Variants in SDK1 observed in about 807,000 individuals in gnomAD.
SDK1 encodes the protein protein sidekick-1.
In SDK1, 157 loss-of-function variants were observed where a neutral mutation model predicts 245.5. The observed-to-expected ratio is 0.64, with a 90% CI of 0.56 to 0.73. SDK1 has a LOEUF of 0.73. SDK1 is among the 30% of genes least tolerant of loss of function. SDK1 has a pLI of 0.00. For missense variants in SDK1, 3,583 were observed against 3,002.3 expected, an observed-to-expected ratio of 1.19 and a Z score of -4.52; for synonymous variants, 1,647 against 1,278.5, an observed-to-expected ratio of 1.29 and a Z score of -6.15.
At chr7:3,687,316 A>G (rs1457201166) in intron 4 of SDK1, among the ~76,000 whole-genome samples, 2 of 151,900 alleles carry the variant, frequency 1.3e-5, no homozygotes, top group African/African-American at 4.8e-5. Flanking sequence ...TTTAGGAGAG[A>G]TGGGGTTTCA....
rs575888756 is a variant in SDK1 at position 3,416,776 on chromosome 7, C to G, written c.298+114892C>G. 4.6e-5 allele frequency among the ~76,000 whole-genome samples: 7 copies of G among 152,250 alleles called. No homozygotes were observed. The South Asian group carries it at 1.5e-3, about 32-fold the overall frequency. ...CCTCTGGGGTTGTGTGTGACCATGC[C>G]TCGAATAAAGCCCATGTTCTGATCC... On this transcript the variant is annotated intron_variant, in intron 1 of 44. Coordinates refer to ENST00000404826, the MANE Select transcript of SDK1 (RefSeq NM_152744.4).
chr7:3,485,996 A>G (rs1011507727), intron 1 of SDK1, among the ~76,000 whole-genome samples: 8 of 151,930 alleles, frequency 5.3e-5, no homozygotes, highest in Non-Finnish European at 1.0e-4. Flanking sequence ...AGTTTATATA[A>G]TATTGGACAG....
chr7:3,342,917 A>G (rs949823973), intron 1 of SDK1, among the ~76,000 whole-genome samples: 7 of 152,142 alleles, frequency 4.6e-5, no homozygotes, highest in African/African-American at 1.4e-4. Flanking sequence ...GCAAATAATC[A>G]CAGAAAAAGA....
chr7:3,604,254 A>T (rs926793318), intron 1 of SDK1, among the ~76,000 whole-genome samples: 20 of 152,212 alleles, frequency 1.3e-4, no homozygotes, highest in African/African-American at 4.8e-4. Context: ...TTTCAGAAGG[A>T]TTGGTACCAG....
chr7:3,817,665 G>C (rs1398260800), intron 4 of SDK1, among the ~76,000 whole-genome samples: 1 of 152,190 alleles, frequency 6.6e-6, no homozygotes, highest in African/African-American at 2.4e-5. Context: ...GAGCTTCCCA[G>C]TCGATGCCTA....
intron 44 of SDK1, among the ~76,000 whole-genome samples, chr7:4,262,297 C>G (rs527804951): frequency 6.6e-6 from 1 of 151,870 alleles, no homozygotes; most frequent in African/African-American, 2.4e-5. Flanking sequence ...CTCAGGTGAT[C>G]CGCTCGCCTC....
chr7:3,850,773 C>G (rs1323244067), intron 5 of SDK1, among the ~76,000 whole-genome samples: 1 of 151,592 alleles, frequency 6.6e-6, no homozygotes, highest in African/African-American at 2.4e-5. Context: ...AAACCAAACA[C>G]CGCATGTTCT....
At chr7:4,023,455 A>G (rs1169709607) in intron 17 of SDK1, among the ~76,000 whole-genome samples, 2 of 152,068 alleles carry the variant, frequency 1.3e-5, no homozygotes, top group Non-Finnish European at 2.9e-5. Context: ...ACTCCAACAG[A>G]CTCAGTTCCG....
At chr7:3,757,987 T>G (rs1391736078) in intron 4 of SDK1, among the ~76,000 whole-genome samples, 5 of 152,158 alleles carry the variant, frequency 3.3e-5, no homozygotes, top group Non-Finnish European at 1.5e-5. Context: ...TCCATACGTT[T>G]TAGTAGCTCT....
intron 1 of SDK1, among the ~76,000 whole-genome samples, chr7:3,583,659 G>A (rs1780589020): frequency 2.0e-5 from 3 of 152,116 alleles, no homozygotes; most frequent in Admixed American, 2.0e-4. Flanking sequence ...CTACACTTTG[G>A]AGAGGGAAAT....
chr7:4,237,509 G>A (rs375076765), intron 41 of SDK1, 138 bp from the exon 42 acceptor site: 37 of 939,406 alleles, frequency 3.9e-5, no homozygotes, highest in Non-Finnish European at 5.5e-5. Context: ...CCACCCGCCC[G>A]GCTGGACATT....
intron 1 of SDK1, among the ~76,000 whole-genome samples, chr7:3,438,730 T>A (rs1216318510): frequency 2.0e-5 from 3 of 152,222 alleles, no homozygotes. Context: ...TTAATCTTTC[T>A]GTCCTTGGAA....
intron 1 of SDK1, among the ~76,000 whole-genome samples, chr7:3,593,839 T>C (rs780352338): frequency 4.6e-5 from 7 of 152,310 alleles, no homozygotes; most frequent in Admixed American, 1.3e-4. Flanking sequence ...TCTTTTCTCT[T>C]TCTGAACCCC....
At chr7:4,077,726 T>C (rs1195605974) in intron 21 of SDK1, among the ~76,000 whole-genome samples, 1 of 152,132 alleles carries the variant, frequency 6.6e-6, no homozygotes, top group African/African-American at 2.4e-5. Context: ...TTAAAACCCA[T>C]AGATCTTGTG....
intron 4 of SDK1, among the ~76,000 whole-genome samples, chr7:3,742,014 G>T (rs1385720582): frequency 5.7e-5 from 6 of 106,132 alleles, no homozygotes; most frequent in South Asian, 3.5e-4. Context: ...ATATATATAT[G>T]CTGTATTTTT....
intron 1 of SDK1, among the ~76,000 whole-genome samples, chr7:3,499,613 G>C (rs571151436): frequency 6.6e-6 from 1 of 152,322 alleles, no homozygotes; most frequent in South Asian, 2.1e-4. Flanking sequence ...ATAAAGCAGT[G>C]TATTGTTGTT....
intron 22 of SDK1, among the ~76,000 whole-genome samples, chr7:4,090,082 C>T (rs576891598): frequency 1.3e-5 from 2 of 152,300 alleles, no homozygotes; most frequent in Admixed American, 6.5e-5. Flanking sequence ...ATGCTGGGCA[C>T]CTCCTGCTAC....
intron 38 of SDK1, among the ~76,000 whole-genome samples, chr7:4,213,597 C>G (rs543193372): frequency 2.6e-4 from 39 of 149,954 alleles, no homozygotes; most frequent in African/African-American, 9.4e-4. Flanking sequence ...AAAAAAAAAA[C>G]CAGTACTTCA....
intron 5 of SDK1, among the ~76,000 whole-genome samples, chr7:3,824,542 C>T (rs763058801): frequency 4.3e-4 from 65 of 152,218 alleles, no homozygotes; most frequent in African/African-American, 1.4e-3. Context: ...GGTAATAATC[C>T]GTTCCTTCCT....
Sources: gnomAD v4.1 joint callset for allele counts (sites outside exome capture counted in the v4.1 genomes callset) on GRCh38, gnomAD v4.1.1 for gene constraint, MANE v1.5 for transcripts, NCBI Gene and HGNC (gene_info 2026-07-23, HGNC 2026-07-21) for gene names.